GBP5: variants seen among roughly 807,000 people sequenced by gnomAD.
GBP5 encodes guanylate-binding protein 5.
Under a neutral mutation model 58.2 loss-of-function variants are expected in GBP5, and 48 were observed. That is an observed-to-expected ratio of 0.83 (90% CI 0.65 to 1.05). The LOEUF (loss-of-function observed/expected upper bound fraction) is 1.05. Among genes scored for constraint, GBP5 ranks in the 50% least tolerant of loss-of-function variants. GBP5 has a pLI of 0.00. For missense variants in GBP5, 714 were observed against 686.8 expected (o/e 1.04, Z -0.44); for synonymous variants, 248 against 251.8 (o/e 0.98, Z 0.14).
At position 89,262,598 on chromosome 1, in the gene GBP5, T is replaced by C. The variant is rs940252305; in HGVS notation, c.1465+85A>G. 2.8e-5 allele frequency: 28 copies of C among 1,010,280 alleles called. No individual in the cohort carries two copies. The African/African-American group carries it at 4.4e-4, about 16-fold the overall frequency. 62.6% of individuals were successfully genotyped at this position (1,010,280 alleles called of 1,614,324 possible). ...AGCATCTTTGCCATTCTTGCTCTAGTTTAACATCCCATGAGGGCCAGGCCA... is the reference window on the plus strand; with the variant it reads ...AGCATCTTTGCCATTCTTGCTCTAGCTTAACATCCCATGAGGGCCAGGCCA... On this transcript the variant is annotated intron_variant, in intron 10 of 11. Coordinates refer to ENST00000370459, the MANE Select transcript of GBP5 (RefSeq NM_052942.5).
At chr1:89,261,342 G>C (rs1308768454) in intron 11 of GBP5, among the ~76,000 whole-genome samples, 1 of 152,162 alleles carries the variant, frequency 6.6e-6, no homozygotes, top group East Asian at 1.9e-4. Flanking sequence ...AAATATTTTA[G>C]AGTAACTTCT....
Position 89,259,545 on chromosome 1 carries a change from T to C in GBP5, c.*1159A>G, listed in dbSNP as rs977597864. The C allele has an allele frequency of 1.3e-5, 2 of 152,218 alleles. No homozygotes were observed. Among genetic ancestry groups the C allele is most frequent in the Non-Finnish European group, 2.9e-5 (2 of 68,046 alleles). 9.4% of individuals were successfully genotyped at this position (152,218 alleles called of 1,614,324 possible). ...AGCACACGACCATTAGCCTGAGTGA[T>C]GCCCAACTGAGCCCAGACTTTGGTC... On this transcript the variant is annotated 3_prime_UTR_variant, in exon 12 of 12. Coordinates refer to ENST00000370459, the MANE Select transcript of GBP5 (RefSeq NM_052942.5).
chr1:89,264,291 C>T (rs2147310), intron 8 of GBP5, among the ~76,000 whole-genome samples: 2,101 of 152,182 alleles, frequency 0.014, 43 homozygotes, highest in African/African-American at 0.048. Context: ...TGATAAAGTT[C>T]GAAGCAGAAT....
chr1:89,266,481 G>A lies in GBP5; in HGVS notation c.733C>T (p.Leu245Phe). The A allele has an allele frequency of 1.2e-6, 2 of 1,614,176 alleles. No homozygotes were observed. Among genetic ancestry groups the A allele is most frequent in the Non-Finnish European group, 1.7e-6 (2 of 1,180,008 alleles). ...IFDLPAHQKK[L>F]AQLETLPDDE... ...TCAGGCAGTGTTTCAAGTTGGGCAA[G>A]CTTTTTTTGGTGAGCAGGTAAGTCA... The change falls in exon 7 of 12, where the codon CTT becomes TTT. Residue 245 changes from leucine to phenylalanine, a missense_variant. Coordinates refer to ENST00000370459, the MANE Select transcript of GBP5 (RefSeq NM_052942.5).
In GBP5 at chr1:89,257,228, A is replaced by G. The variant is rs553747114; in HGVS notation, c.*3476T>C. Among the ~76,000 whole-genome samples the G allele has an allele frequency of 2.0e-3, 300 of 152,334 alleles. No homozygotes were observed. Among genetic ancestry groups the G allele is most frequent in the Non-Finnish European group, 3.7e-3 (249 of 68,028 alleles). On this transcript the variant is annotated 3_prime_UTR_variant, in exon 12 of 12. Transcript: ENST00000370459. ...AACCACAGCAGAAGATGAAAGAGGA[A>G]CAAAGGCACATCTTACATGGTGTCA...
At chr1:89,262,979 G>A in intron 9 of GBP5, 194 bp from the exon 10 acceptor site, 1 of 429,360 alleles carries the variant, frequency 2.3e-6, no homozygotes, top group South Asian at 4.7e-5. Context: ...TGAGACTGGA[G>A]AGGCTTGTGG....
intron 10 of GBP5, 27 bp downstream of exon 10, chr1:89,262,655 TC>T (rs1650053984): frequency 6.9e-7 from 1 of 1,451,122 alleles, no homozygotes; most frequent in Admixed American, 1.7e-5. Context: ...TTTCTTTCTA[TC>T]TTGCATAATT....
chr1:89,264,028 T>A, intron 8 of GBP5, 80 bp from the exon 9 acceptor site: 1 of 914,892 alleles, frequency 1.1e-6, no homozygotes, highest in Non-Finnish European at 1.7e-6. Flanking sequence ...AAAGAATCTA[T>A]ATTTTTTTCT....
rs1469265202 is a variant in GBP5 at position 89,258,453 on chromosome 1, A to G, written c.*2251T>C. 6.6e-6 allele frequency among the ~76,000 whole-genome samples: 1 copy of G among 152,208 alleles called. No homozygotes were observed. The highest frequency in any genetic ancestry group is 1.5e-5 in the Non-Finnish European group (1 of 68,032). ...TTTCTTTATAAATTGCACAGCTTGA[A>G]AAGGTAATTGTAGGGTATTGCTAGA... On this transcript the variant is annotated 3_prime_UTR_variant, in exon 12 of 12. Transcript: ENST00000370459.
intron 7 of GBP5, among the ~76,000 whole-genome samples, chr1:89,265,535 T>C (rs1457681437): frequency 1.3e-5 from 2 of 151,560 alleles, no homozygotes; most frequent in Non-Finnish European, 1.5e-5. Context: ...GAGACCATCT[T>C]GGCTAACACG....
At chr1:89,266,301 A>T (rs1650209159) in intron 7 of GBP5, 45 bp downstream of exon 7, 2 of 1,539,190 alleles carry the variant, frequency 1.3e-6, no homozygotes, top group African/African-American at 2.7e-5. Flanking sequence ...AGTGTCCCTT[A>T]TAGTTTACAT....
Position 89,263,716 on chromosome 1 carries a change from A to G in GBP5, c.1362+20T>C, listed in dbSNP as rs777055940. 3.8e-6 allele frequency: 6 copies of G among 1,567,882 alleles called. No homozygotes were observed. The South Asian group carries it at 5.5e-5, about 14-fold the overall frequency. On this transcript the variant is annotated intron_variant, in intron 9 of 11. Coordinates refer to ENST00000370459, the MANE Select transcript of GBP5 (RefSeq NM_052942.5). ...AGAGGTCCCTCAGCAATTCTCCACA[A>G]TAGGTAGAACTAGGGATACCTGTAT...
rs752651991 is a variant in GBP5, at chr1:89,264,736, T to C, written c.1099A>G (p.Met367Val). 6 of 1,614,132 alleles carry C rather than the reference T, an allele frequency of 3.7e-6. No homozygotes were observed. The highest frequency in any genetic ancestry group is 1.3e-5 in the African/African-American group (1 of 74,946). Residue 367 changes from methionine to valine, a missense_variant, in exon 8 of 12, where the codon ATG (methionine) becomes GTG (valine). Met to Val is a conservative substitution (Grantham distance 21). Transcript: ENST00000370459. ...TCTACATCCTTGAAAGAGTTTTTCA[T>C]GAAGACTTCAATGGCCTCCCTCTCA... ...TSEREAIEVF[M>V]KNSFKDVDQS...
At chr1:89,266,307 T>C (rs569908396) in intron 7 of GBP5, 39 bp downstream of exon 7, 9 of 1,565,954 alleles carry the variant, frequency 5.7e-6, no homozygotes, top group South Asian at 1.1e-5. Flanking sequence ...CCTTATAGTT[T>C]ACATTAAATT....
rs573938647 is a variant in GBP5 at position 89,267,675 on chromosome 1, A to G, written c.319-149T>C. The G allele has an allele frequency of 1.1e-3, 655 of 615,728 alleles. 2 individuals carry two copies. Among genetic ancestry groups the G allele is most frequent in the Middle Eastern group, 5.1e-3 (13 of 2,570 alleles). 38.1% of individuals were successfully genotyped at this position (615,728 alleles called of 1,614,324 possible). A position where few individuals can be genotyped will look rare whatever the true frequency, so the allele number is the denominator to read the frequency against. On this transcript the variant is annotated intron_variant, in intron 4 of 11. Coordinates refer to ENST00000370459, the MANE Select transcript of GBP5 (RefSeq NM_052942.5). ...TTGAATAGTTCTCTTGTTAACATTG[A>G]TAATTTTATACTCATCCATATCTTA...
At chr1:89,260,903 G>GT in intron 11 of GBP5, 86 bp from the exon 12 acceptor site, 1 of 923,474 alleles carries the variant, frequency 1.1e-6, no homozygotes, top group East Asian at 2.4e-5. Flanking sequence ...TTCATCTACA[G>GT]TAGCAGTAAA....
intron 11 of GBP5, among the ~76,000 whole-genome samples, chr1:89,261,777 T>C (rs577865279): frequency 1.8e-3 from 272 of 152,254 alleles, no homozygotes; most frequent in African/African-American, 6.3e-3. Context: ...AACAGGGGCA[T>C]AGACACAGTA....
At position 89,268,871 on chromosome 1, in the gene GBP5, G is replaced by A; in HGVS notation, c.191-15C>T. ...AACAGAGAAGCCTGTCAGGGGGAGT[G>A]AGAGGTTGTAATAGAAGAGAAACTC... is the stretch of plus-strand genomic sequence containing the variant. On this transcript the variant is annotated splice_polypyrimidine_tract_variant and intron_variant, in intron 3 of 11. Coordinates refer to ENST00000370459, the MANE Select transcript of GBP5 (RefSeq NM_052942.5). 1 of 1,612,328 alleles carries A rather than the reference G, an allele frequency of 6.2e-7. No individual in the cohort carries two copies. The highest frequency in any genetic ancestry group is 8.5e-7 in the Non-Finnish European group (1 of 1,179,236).
At chr1:89,271,753 C>G (rs1183923002) in intron 1 of GBP5, 1 of 152,086 alleles carries the variant, frequency 6.6e-6, no homozygotes, top group African/African-American at 2.4e-5. Flanking sequence ...AGAATTTCAA[C>G]GAGTGAACAG....
Sources: gnomAD v4.1 joint callset for allele counts (sites outside exome capture counted in the v4.1 genomes callset) on GRCh38, gnomAD v4.1.1 for gene constraint, MANE v1.5 for transcripts, NCBI Gene and HGNC (gene_info 2026-07-23, HGNC 2026-07-21) for gene names.